The following SORCS1 variants were observed in gnomAD, a reference collection of about 807,000 sequenced individuals.
The protein encoded by SORCS1 is sortilin related VPS10 domain containing receptor 1.
SORCS1 carries 60 observed loss-of-function variants against 146.1 expected under a neutral mutation model. That is an observed-to-expected ratio of 0.41 (90% CI 0.33 to 0.51). The LOEUF (loss-of-function observed/expected upper bound fraction) is 0.51. Ranked by LOEUF, SORCS1 falls within the 20% of genes least tolerant of loss-of-function variation. SORCS1 has a pLI of 0.21. For missense variants in SORCS1, 1,352 were observed against 1,487.6 expected (o/e 0.91, Z 1.50); for synonymous variants, 637 against 584.0 (o/e 1.09, Z -1.31).
the SORCS1 span, among the ~76,000 whole-genome samples, chr10:107,181,093 G>A: frequency 2.0e-5 from 3 of 152,162 alleles, no homozygotes; most frequent in Admixed American, 6.5e-5. Context: ...ACTGGAACTC[G>A]TTTAGGTGAA....
intron 10 of SORCS1, among the ~76,000 whole-genome samples, chr10:106,681,022 T>C (rs1313276760): frequency 2.0e-5 from 3 of 152,216 alleles, no homozygotes; most frequent in Non-Finnish European, 4.4e-5. Flanking sequence ...TAACAAATGA[T>C]TGGTTTTGCA....
In SORCS1 at chr10:106,619,149, TA is replaced by T. The variant is rs1847573424; in HGVS notation, c.2797-878del. On this transcript the variant is annotated intron_variant, in intron 20 of 25. Transcript: ENST00000263054. ...CTTTTAAAAGGAAAAATAAAAAAAATAAAAAACAATAGGGGGTACAAAAGGA... is the reference window on the plus strand; with the variant it reads ...CTTTTAAAAGGAAAAATAAAAAAAATAAAAACAATAGGGGGTACAAAAGGA... 3.3e-5 allele frequency among the ~76,000 whole-genome samples: 5 copies of T among 152,110 alleles called. No homozygotes were observed. The South Asian group carries it at 1.0e-3, about 32-fold the overall frequency.
intron 1 of SORCS1, among the ~76,000 whole-genome samples, chr10:107,040,610 C>T (rs1343208826): frequency 6.6e-6 from 1 of 152,196 alleles, no homozygotes; most frequent in Admixed American, 6.5e-5. Context: ...GACAAGAACT[C>T]TCTAAGCCTC....
chr10:106,718,329 T>C (rs976095306), intron 6 of SORCS1, among the ~76,000 whole-genome samples: 9 of 152,196 alleles, frequency 5.9e-5, no homozygotes, highest in Non-Finnish European at 7.3e-5. Context: ...GTGTCCGCAA[T>C]TGGTTCCTTC....
At chr10:106,645,850 T>C (rs1849390160) in intron 18 of SORCS1, among the ~76,000 whole-genome samples, 1 of 152,194 alleles carries the variant, frequency 6.6e-6, no homozygotes, top group Non-Finnish European at 1.5e-5. Context: ...TTAATAATAA[T>C]AGCTTATTGA....
intron 2 of SORCS1, 60 bp from the exon 3 acceptor site, chr10:106,829,733 G>C: frequency 7.8e-7 from 1 of 1,279,900 alleles, no homozygotes; most frequent in Non-Finnish European, 1.1e-6. Context: ...CTGCTTGTCA[G>C]TATAATGCAT....
At chr10:107,047,507 G>A (rs557535015) in intron 1 of SORCS1, among the ~76,000 whole-genome samples, 6 of 152,182 alleles carry the variant, frequency 3.9e-5, no homozygotes, top group South Asian at 2.1e-4. Context: ...TCTATTTTAC[G>A]TAAGGAAAAT....
intron 25 of SORCS1, chr10:106,578,331 CT>C (rs148588547): frequency 0.019 from 2,842 of 152,250 alleles, 37 homozygotes; most frequent in Middle Eastern, 0.044. Flanking sequence ...ATTCCCATGC[CT>C]ACTTCACAGG....
At chr10:106,622,344 A>C (rs1003438821) in intron 19 of SORCS1, among the ~76,000 whole-genome samples, 1 of 150,636 alleles carries the variant, frequency 6.6e-6, no homozygotes, top group Admixed American at 6.6e-5. Context: ...GATAATAATG[A>C]TAGCTAACAC....
chr10:106,914,956 C>G (rs1471373708), intron 2 of SORCS1, among the ~76,000 whole-genome samples: 1 of 152,152 alleles, frequency 6.6e-6, no homozygotes, highest in African/African-American at 2.4e-5. Context: ...TGGATGTTCC[C>G]ATTTCAAGCA....
chr10:107,150,938 C>T (rs965031776), intron 1 of SORCS1, among the ~76,000 whole-genome samples: 5 of 152,144 alleles, frequency 3.3e-5, no homozygotes, highest in Non-Finnish European at 7.3e-5. Flanking sequence ...TGCCCAGTCC[C>T]GGGTATATCT....
At chr10:106,654,991 G>A (rs1053662643) in intron 17 of SORCS1, among the ~76,000 whole-genome samples, 2 of 151,934 alleles carry the variant, frequency 1.3e-5, no homozygotes, top group East Asian at 1.9e-4. Context: ...CAAGTAGCTG[G>A]GATTACAGGC....
At chr10:106,730,208 C>A in intron 5 of SORCS1, 94 bp from the exon 6 acceptor site, 1 of 1,130,628 alleles carries the variant, frequency 8.8e-7, no homozygotes. Context: ...CTATTAATAT[C>A]CACAGGCATC....
chr10:107,040,689 T>C (rs1050419668), intron 1 of SORCS1, among the ~76,000 whole-genome samples: 3 of 152,112 alleles, frequency 2.0e-5, no homozygotes, highest in African/African-American at 7.2e-5. Context: ...CGGATTAGGG[T>C]TGTTGTAAGG....
chr10:106,716,435 T>C (rs991353442), intron 6 of SORCS1, among the ~76,000 whole-genome samples: 7 of 152,222 alleles, frequency 4.6e-5, no homozygotes, highest in Non-Finnish European at 5.9e-5. Flanking sequence ...AATCAGACTA[T>C]GACTTTAAGA....
chr10:106,652,642 G>A, intron 17 of SORCS1, 89 bp from the exon 18 acceptor site: 2 of 1,451,326 alleles, frequency 1.4e-6, no homozygotes. Flanking sequence ...GCCTAGCCCT[G>A]AGGACCATCA....
chr10:106,635,387 G>C (rs1848669780), intron 18 of SORCS1, among the ~76,000 whole-genome samples: 1 of 152,056 alleles, frequency 6.6e-6, no homozygotes. Flanking sequence ...AAAATCACTA[G>C]TATAACCCAT....
At chr10:107,002,012 GA>G (rs896593299) in intron 1 of SORCS1, among the ~76,000 whole-genome samples, 1 of 151,954 alleles carries the variant, frequency 6.6e-6, no homozygotes, top group Non-Finnish European at 1.5e-5. Context: ...GATTCTGAAG[GA>G]AAAAATATCC....
At chr10:106,708,525 C>T (rs1303328251) in intron 7 of SORCS1, among the ~76,000 whole-genome samples, 1 of 152,128 alleles carries the variant, frequency 6.6e-6, no homozygotes, top group Non-Finnish European at 1.5e-5. Context: ...ATTGTCCAAA[C>T]AAGCTTAAAT....
Sources: allele counts gnomAD v4.1 joint callset (sites outside exome capture counted in the v4.1 genomes callset), GRCh38; gene constraint gnomAD v4.1.1; transcripts MANE v1.5; gene names NCBI Gene and HGNC (gene_info 2026-07-23, HGNC 2026-07-21).